The following PRKN variants were observed in gnomAD, a reference collection of about 807,000 sequenced individuals.
The protein encoded by PRKN is E3 ubiquitin-protein ligase parkin.
PRKN carries 56 observed loss-of-function variants against 59.5 expected under a neutral mutation model. That is an observed-to-expected ratio of 0.94 (90% CI 0.76 to 1.18). The LOEUF is 1.18. Among genes scored for constraint, PRKN ranks in the 50% most tolerant of loss-of-function variants. The pLI, the probability that PRKN is intolerant of heterozygous loss-of-function variation, is 0.00. For missense variants in PRKN, 657 were observed against 596.4 expected (o/e 1.10, Z -1.06); for synonymous variants, 250 against 222.1 (o/e 1.13, Z -1.12).
rs546497367 is a variant in PRKN, at chr6:161,702,344, T to C, written c.871+83428A>G. ...GCAGCAGCCCATCCATACAATGGAA[T>C]ACTGTCCAGCCTTGAAAAGAGGGAA... On this transcript the variant is annotated intron_variant, in intron 7 of 11. Coordinates refer to ENST00000366898, the MANE Select transcript of PRKN (RefSeq NM_004562.3). Among the ~76,000 whole-genome samples the C allele has an allele frequency of 2.6e-5, 4 of 152,350 alleles. No homozygotes were observed. In the East Asian group the frequency reaches 7.7e-4, roughly 29 times the overall value.
intron 1 of PRKN, among the ~76,000 whole-genome samples, chr6:162,623,094 A>G (rs2803037): frequency 0.29 from 44,022 of 152,178 alleles, 6,974 homozygotes; most frequent in Non-Finnish European, 0.36. Flanking sequence ...CTGGAAACCC[A>G]GTCATTAGGC....
chr6:162,718,645 G>A (rs1442876531), intron 1 of PRKN, among the ~76,000 whole-genome samples: 7 of 151,870 alleles, frequency 4.6e-5, no homozygotes, highest in Admixed American at 6.6e-5. Flanking sequence ...CCTGGGAGGC[G>A]GAGCTTACAG....
rs181478851 is a variant in PRKN, at chr6:162,695,803, T to C, written c.7+31859A>G. On this transcript the variant is annotated intron_variant, in intron 1 of 11. Transcript: ENST00000366898. ...TTACAAGTATATAACTTAAAGAATA[T>C]TGAAATCATATTTGGGAAAATAAAA... is the stretch of plus-strand genomic sequence containing the variant. Among the ~76,000 whole-genome samples, 48 of 152,352 alleles carry C rather than the reference T, an allele frequency of 3.2e-4. No homozygotes were observed. The East Asian group carries it at 8.5e-3, about 27-fold the overall frequency.
chr6:161,710,409 G>A (rs1399768422), intron 7 of PRKN, among the ~76,000 whole-genome samples: 1 of 152,144 alleles, frequency 6.6e-6, no homozygotes, highest in Non-Finnish European at 1.5e-5. Flanking sequence ...ATTTAGGATG[G>A]GTTTACTGGA....
chr6:161,551,672 G>A lies in PRKN; in HGVS notation c.934-2669C>T, dbSNP rs137964239. On this transcript the variant is annotated intron_variant, in intron 8 of 11. Coordinates refer to ENST00000366898, the MANE Select transcript of PRKN (RefSeq NM_004562.3). This position sits in a 1 kb window ranked among gnomAD's most constrained non-coding sequence, Gnocchi z 5.2. Reference sequence around the variant, plus strand: ...GGAGTCCAGAAAGACTCGGAGGAGAGAAATTCAAAGAAGTGAGAATAGACA... The same window carrying A: ...GGAGTCCAGAAAGACTCGGAGGAGAAAAATTCAAAGAAGTGAGAATAGACA... 4.7e-3 allele frequency among the ~76,000 whole-genome samples: 723 copies of A among 152,258 alleles called. 7 individuals are homozygous for A. Among genetic ancestry groups the A allele is most frequent in the Non-Finnish European group, 7.3e-3 (498 of 68,024 alleles).
intron 6 of PRKN, among the ~76,000 whole-genome samples, chr6:161,918,303 G>A (rs1467556351): frequency 2.0e-5 from 3 of 152,132 alleles, no homozygotes; most frequent in Non-Finnish European, 4.4e-5. Context: ...AAGAGTGTGC[G>A]TGAAAGCTGG....
chr6:162,030,354 C>T (rs67284712), intron 5 of PRKN, among the ~76,000 whole-genome samples: 26,615 of 152,132 alleles, frequency 0.17, 3,240 homozygotes, highest in African/African-American at 0.34. Context: ...GAATGTAAAA[C>T]GGCCCCAGTT....
chr6:162,689,185 G>A (rs969912433), intron 1 of PRKN, among the ~76,000 whole-genome samples: 3 of 152,186 alleles, frequency 2.0e-5, no homozygotes, highest in Non-Finnish European at 2.9e-5. Context: ...GCAACCCTGT[G>A]GGTTATTAAT....
intron 2 of PRKN, among the ~76,000 whole-genome samples, chr6:162,426,883 G>A (rs1018880933): frequency 9.2e-5 from 14 of 152,142 alleles, no homozygotes; most frequent in African/African-American, 3.4e-4. Context: ...CATTAATGTG[G>A]GAAATCTTAT....
At chr6:162,499,918 AG>A (rs796070895) in intron 1 of PRKN, among the ~76,000 whole-genome samples, 6 of 152,300 alleles carry the variant, frequency 3.9e-5, no homozygotes, top group African/African-American at 1.4e-4. Flanking sequence ...ACCAAAAAAA[AG>A]GTTGCCTTGA....
chr6:161,896,782 C>A (rs2128233673), intron 6 of PRKN, among the ~76,000 whole-genome samples: 1 of 152,128 alleles, frequency 6.6e-6, no homozygotes, highest in African/African-American at 2.4e-5. Flanking sequence ...TTTTCTATAT[C>A]TCAATTCCTG....
rs1246195568 is a variant in PRKN at position 161,633,976 on chromosome 6, T to TAA, written c.872-64561_872-64560insTT. ...TGTGTACGTCACATGAGGAGGGGGC[T>TAA]TTAACCAAATGGAAAACTTAAACAC... On this transcript the variant is annotated intron_variant, in intron 7 of 11. Transcript: ENST00000366898. 5.4e-5 allele frequency among the ~76,000 whole-genome samples: 8 copies of TAA among 148,450 alleles called. No individual in the cohort carries two copies. The South Asian group carries it at 1.3e-3, about 24-fold the overall frequency.
chr6:161,436,167 G>A (rs13219205), intron 9 of PRKN, among the ~76,000 whole-genome samples: 42 of 106,204 alleles, frequency 4.0e-4, no homozygotes, highest in East Asian at 1.5e-3. Context: ...AGGAGGGGGC[G>A]AGATGGGAGG....
chr6:162,414,726 A>AAAAAAAAAAAAAAAAAATT, intron 2 of PRKN, among the ~76,000 whole-genome samples: 3 of 91,856 alleles, frequency 3.3e-5, no homozygotes, highest in Admixed American at 2.4e-4. Flanking sequence ...AAAAAAAAAA[A>AAAAAAAAAAAAAAAAAATT]AGTGAATCTT....
At chr6:161,776,934 A>T (rs560563490) in intron 7 of PRKN, among the ~76,000 whole-genome samples, 1 of 152,350 alleles carries the variant, frequency 6.6e-6, no homozygotes, top group Non-Finnish European at 1.5e-5. Flanking sequence ...GTGCTAATAA[A>T]TTAGAAATGT....
chr6:162,437,518 A>G (rs1789836676), intron 2 of PRKN, among the ~76,000 whole-genome samples: 1 of 152,192 alleles, frequency 6.6e-6, no homozygotes, highest in Non-Finnish European at 1.5e-5. Context: ...CAGTCAGCAC[A>G]GAGGACGGCC....
At chr6:162,137,072 A>G (rs993928538) in intron 4 of PRKN, among the ~76,000 whole-genome samples, 4 of 152,114 alleles carry the variant, frequency 2.6e-5, no homozygotes, top group Non-Finnish European at 5.9e-5. Flanking sequence ...ATGAGACTCT[A>G]AAAGAAACAC....
intron 9 of PRKN, among the ~76,000 whole-genome samples, chr6:161,540,078 G>A (rs1779564530): frequency 6.6e-6 from 1 of 152,082 alleles, no homozygotes; most frequent in African/African-American, 2.4e-5. Flanking sequence ...GTCTGGTGGG[G>A]GGCCGCCAGG....
chr6:161,353,800 G>C lies in PRKN; in HGVS notation c.1286-3589C>G, dbSNP rs1484903085. On this transcript the variant is annotated intron_variant, in intron 11 of 11. Transcript: ENST00000366898. The surrounding 1 kb of genome is among the most constrained non-coding windows in gnomAD (Gnocchi z 4.8). ...CGGTGAGTGGCAGTCCTGTGGGACTGAGCCCCCAGCCTGAGGGATCAGACA... is the reference window on the plus strand; with the variant it reads ...CGGTGAGTGGCAGTCCTGTGGGACTCAGCCCCCAGCCTGAGGGATCAGACA... Among the ~76,000 whole-genome samples, 1 of 152,194 alleles carries C rather than the reference G, an allele frequency of 6.6e-6. No individual in the cohort carries two copies. Among genetic ancestry groups the C allele is most frequent in the Non-Finnish European group, 1.5e-5 (1 of 68,036 alleles).
Sources: gnomAD v4.1 joint callset for allele counts (sites outside exome capture counted in the v4.1 genomes callset) on GRCh38, gnomAD v4.1.1 for gene constraint, Gnocchi (gnomAD v3.1) non-coding constraint, MANE v1.5 for transcripts, NCBI Gene and HGNC (gene_info 2026-07-23, HGNC 2026-07-21) for gene names.